Variants in KNTC1 observed in about 807,000 individuals in gnomAD.
The protein encoded by KNTC1 is kinetochore-associated protein 1.
KNTC1 carries 253 observed loss-of-function variants against 314.4 expected under a neutral mutation model. The ratio of observed to expected loss-of-function variants is 0.80; its 90% CI spans 0.73 to 0.89. The LOEUF (loss-of-function observed/expected upper bound fraction) is 0.89, where lower values mean the gene tolerates loss of function less well. Among genes scored for constraint, KNTC1 ranks in the 40% least tolerant of loss-of-function variants. The probability of loss-of-function intolerance (pLI) is 0.00; values close to 1 mark genes in which losing one functional copy is unlikely to be tolerated. For missense variants in KNTC1, 2,475 were observed against 2,572.9 expected (o/e 0.96, Z 0.82); for synonymous variants, 901 against 901.4 (o/e 1.00, Z 0.01).
intron 19 of KNTC1, 88 bp downstream of exon 19, chr12:122,562,062 A>G: frequency 7.6e-7 from 1 of 1,309,054 alleles, no homozygotes; most frequent in Non-Finnish European, 1.1e-6. Flanking sequence ...TATTTTATCA[A>G]GAGCAAGTTA....
chr12:122,545,332 T>C (rs1962676473), intron 8 of KNTC1, among the ~76,000 whole-genome samples: 1 of 151,696 alleles, frequency 6.6e-6, no homozygotes, highest in African/African-American at 2.4e-5. Context: ...AGCCCAGGAG[T>C]ATCAGGCTGC....
At chr12:122,620,195 G>T in intron 59 of KNTC1, 1 of 180,018 alleles carries the variant, frequency 5.6e-6, no homozygotes. Flanking sequence ...AAGGTTTTGA[G>T]TCTTCTGAGA....
In KNTC1 at chr12:122,577,716, A is replaced by G; in HGVS notation, c.2766A>G (p.Glu922=). The G allele has an allele frequency of 6.2e-7, 1 of 1,613,834 alleles. No individual in the cohort carries two copies. The highest frequency in any genetic ancestry group is 8.5e-7 in the Non-Finnish European group (1 of 1,179,820). Reference sequence around the variant, plus strand: ...TGTTGAAGTCTTTGCCTCCTGCTGAAGCTGAGAAAACTGCAGAAAGAGTCA... The same window carrying G: ...TGTTGAAGTCTTTGCCTCCTGCTGAGGCTGAGAAAACTGCAGAAAGAGTCA... ...LLLLKSLPPA[E]AEKTAERVII... Residue 922 remains glutamate, a synonymous_variant, in exon 31 of 64, where the codon GAA becomes GAG. Transcript: ENST00000333479.
intron 26 of KNTC1, 37 bp from the exon 27 acceptor site, chr12:122,574,245 T>C (rs1177773303): frequency 7.9e-7 from 1 of 1,263,870 alleles, no homozygotes; most frequent in Non-Finnish European, 1.1e-6. Context: ...TGAGAATTTT[T>C]AATTTTTAAA....
At chr12:122,599,220 C>G (rs558501930) in intron 44 of KNTC1, among the ~76,000 whole-genome samples, 1 of 151,894 alleles carries the variant, frequency 6.6e-6, no homozygotes, top group Non-Finnish European at 1.5e-5. Context: ...TCCTGTTCAG[C>G]CTCCTGAGTA....
In KNTC1 at chr12:122,626,238, C is replaced by T; in HGVS notation, c.*10C>T. 6.3e-7 allele frequency: 1 copy of T among 1,578,828 alleles called. No individual in the cohort carries two copies. The highest frequency in any genetic ancestry group is 1.3e-5 in the African/African-American group (1 of 74,508). ...TAGTGGATTATCGTAAATCACTGAA[C>T]CTTTTTTTCAAGAAGGACAAGAATT... On this transcript the variant is annotated 3_prime_UTR_variant, in exon 64 of 64. Transcript: ENST00000333479.
chr12:122,569,749 CT>C lies in KNTC1; in HGVS notation c.1786del (p.Ser596LeufsTer13), dbSNP rs1182489615. 6.2e-7 allele frequency: 1 copy of C among 1,613,628 alleles called. No homozygotes were observed. Among genetic ancestry groups the C allele is most frequent in the Admixed American group, 1.7e-5 (1 of 59,996 alleles). Reference sequence around the variant, plus strand: ...TGCTCAACTCAATGTCTGCATCAGTCTCTTTGCAAAAGCTGTGTCCATGGTT... The same window carrying C: ...TGCTCAACTCAATGTCTGCATCAGTCCTTTGCAAAAGCTGTGTCCATGGTT... Reference protein sequence around the residue: ...SLLNSMSASVSLQKLCPWFKN... With the variant: ...SLLNSMSASVXLQKLCPWFKN... On this transcript the variant is annotated frameshift_variant, in exon 22 of 64. Coordinates refer to ENST00000333479, the MANE Select transcript of KNTC1 (RefSeq NM_014708.6). LOFTEE classifies it high-confidence loss of function.
At chr12:122,618,607 T>C (rs1874053884) in intron 59 of KNTC1, 62 bp downstream of exon 59, 1 of 1,204,720 alleles carries the variant, frequency 8.3e-7, no homozygotes. Flanking sequence ...GATTCCCTTC[T>C]AATAGATATC....
intron 62 of KNTC1, among the ~76,000 whole-genome samples, chr12:122,622,858 G>A (rs1874589814): frequency 6.6e-6 from 1 of 151,854 alleles, no homozygotes; most frequent in Admixed American, 6.6e-5. Context: ...TAAGGCAGGA[G>A]AATCTCTTCA....
At chr12:122,605,234 C>T in intron 50 of KNTC1, 72 bp from the exon 51 acceptor site, 1 of 1,102,288 alleles carries the variant, frequency 9.1e-7, no homozygotes, top group Non-Finnish European at 1.3e-6. Flanking sequence ...CATATATACA[C>T]ATACACATAT....
At chr12:122,564,765 C>A (rs1051963064) in intron 20 of KNTC1, among the ~76,000 whole-genome samples, 2 of 152,226 alleles carry the variant, frequency 1.3e-5, no homozygotes, top group African/African-American at 4.8e-5. Flanking sequence ...AGGTACCACG[C>A]CCAGTGCTCA....
chr12:122,574,226 T>C, intron 26 of KNTC1, 56 bp from the exon 27 acceptor site: 1 of 1,040,106 alleles, frequency 9.6e-7, no homozygotes, highest in Non-Finnish European at 1.4e-6. Context: ...GTATGTGGCA[T>C]TTTTTTAATG....
At chr12:122,571,458 A>G (rs1964682143) in intron 24 of KNTC1, among the ~76,000 whole-genome samples, 1 of 151,944 alleles carries the variant, frequency 6.6e-6, no homozygotes, top group African/African-American at 2.4e-5. Flanking sequence ...TTTTGGGCTC[A>G]AGTGATCCTC....
At chr12:122,541,594 C>T (rs1222071546) in intron 5 of KNTC1, among the ~76,000 whole-genome samples, 1 of 151,868 alleles carries the variant, frequency 6.6e-6, no homozygotes, top group Non-Finnish European at 1.5e-5. Context: ...ATCTACCTGC[C>T]TTGGCCTCCC....
rs1201807391 is a variant in KNTC1, at chr12:122,580,600, C to G, written c.2915-3C>G. On this transcript the variant is annotated splice_region_variant and splice_polypyrimidine_tract_variant and intron_variant, in intron 32 of 63. Transcript: ENST00000333479. The stretch of plus-strand genomic sequence containing the variant: ...GCTATAACTTTTAAAAATTTAATTA[C>G]AGACAATCTGCAGAAGAAGGACGAA... The G allele has an allele frequency of 6.5e-7, 1 of 1,540,336 alleles. No homozygotes were observed. Among genetic ancestry groups the G allele is most frequent in the Non-Finnish European group, 8.8e-7 (1 of 1,135,356 alleles).
In KNTC1 at chr12:122,620,546, G is replaced by A; in HGVS notation, c.6217G>A (p.Ala2073Thr). Residue 2073 changes from alanine (A) to threonine (T), a missense_variant, in exon 60 of 64, where the codon GCT (alanine) becomes ACT (threonine). Transcript: ENST00000333479. ...GCAGTATATCCAGTTAGAACTTCCG[G>A]CTTTTGCATTAGCTTGTCTGATGCT... ...ARQYIQLELP[A>T]FALACLMLMP... 6.2e-7 allele frequency: 1 copy of A among 1,613,614 alleles called. No individual in the cohort carries two copies. The highest frequency in any genetic ancestry group is 2.2e-5 in the East Asian group (1 of 44,884).
Position 122,622,597 on chromosome 12 carries a change from A to G in KNTC1, c.6505A>G (p.Asn2169Asp), listed in dbSNP as rs752769547. 1.3e-6 allele frequency: 2 copies of G among 1,537,132 alleles called. No homozygotes were observed. The highest frequency in any genetic ancestry group is 1.3e-5 in the South Asian group (1 of 79,040). ...NITELVNYLA[N>D]DLSLDEASVL... Reference sequence around the variant, plus strand: ...CACTGAGCTAGTGAACTATTTGGCAAATGACTTAAGGTAAGTTAATTAAAA... The same window carrying G: ...CACTGAGCTAGTGAACTATTTGGCAGATGACTTAAGGTAAGTTAATTAAAA... The change falls in exon 62 of 64, where the codon AAT becomes GAT. Residue 2169 changes from asparagine to aspartate, a missense_variant. Transcript: ENST00000333479.
In KNTC1 at chr12:122,573,021, T is replaced by TACA. The variant is rs1298072283; in HGVS notation, c.2107_2109dup (p.Asn703dup). 1.2e-6 allele frequency: 2 copies of TACA among 1,611,460 alleles called. No individual in the cohort carries two copies. The highest frequency in any genetic ancestry group is 3.4e-5 in the Admixed American group (2 of 59,574). On this transcript the variant is annotated inframe_insertion, in exon 25 of 64. Transcript: ENST00000333479. ...AGAGTTGATCACGTTGCATAGGAAG[T>TACA]ACAACTGCAAATTAGCCCTCTCTGA...
intron 36 of KNTC1, 73 bp downstream of exon 36, chr12:122,585,063 G>C: frequency 1.2e-6 from 1 of 836,786 alleles, no homozygotes; most frequent in Non-Finnish European, 2.0e-6. Flanking sequence ...TTTCGGACAG[G>C]GTTTTGTTCT....
Sources: gnomAD v4.1 joint callset for allele counts (sites outside exome capture counted in the v4.1 genomes callset) on GRCh38, gnomAD v4.1.1 for gene constraint, MANE v1.5 for transcripts, NCBI Gene and HGNC (gene_info 2026-07-23, HGNC 2026-07-21) for gene names.